The following EBF1 variants were observed in gnomAD, a reference collection of about 807,000 sequenced individuals.
The protein encoded by EBF1 is transcription factor COE1.
EBF1 carries 10 observed loss-of-function variants against 68.4 expected under a neutral mutation model. That is an observed-to-expected ratio of 0.15 (90% confidence interval 0.09 to 0.25). The LOEUF (loss-of-function observed/expected upper bound fraction) is 0.25, where lower values mean the gene tolerates loss of function less well. Among genes scored for constraint, EBF1 ranks in the 10% least tolerant of loss-of-function variants. The probability of loss-of-function intolerance (pLI) is 1.00; values close to 1 mark genes in which losing one functional copy is unlikely to be tolerated. For synonymous variants in EBF1, 298 were observed against 299.8 expected (o/e 0.99, Z 0.06); for missense variants, 509 against 794.4 (o/e 0.64, Z 4.32).
At chr5:159,085,852 T>C (rs1375425131) in intron 4 of EBF1, among the ~76,000 whole-genome samples, 1 of 152,120 alleles carries the variant, frequency 6.6e-6, no homozygotes, top group African/African-American at 2.4e-5. Context: ...GCTTTGTTTT[T>C]GAACCTGGGA....
rs1029662879 is a variant in EBF1, at chr5:158,731,275, T to C, written c.1037-118A>G. On this transcript the variant is annotated intron_variant, in intron 10 of 15. Transcript: ENST00000313708. ...CCAAAGTTTAACTGATACTTTTGAA[T>C]TGGATCACAAGATGGTTGTGTGAAT... The C allele has an allele frequency of 8.6e-6, 8 of 929,068 alleles. No individual in the cohort carries two copies. The African/African-American group carries it at 1.2e-4, about 13-fold the overall frequency. The allele number at this position is 929,068 out of a possible 1,614,324, so 57.6% of individuals were successfully genotyped here. A position where few individuals can be genotyped will look rare whatever the true frequency, so the allele number is the denominator to read the frequency against.
chr5:158,951,080 C>T (rs914328074), intron 6 of EBF1, among the ~76,000 whole-genome samples: 6 of 152,328 alleles, frequency 3.9e-5, no homozygotes, highest in Admixed American at 1.3e-4. Context: ...TTGGTCTGAA[C>T]GCATGGTTTG....
chr5:158,941,114 G>A (rs1813268756), intron 6 of EBF1: 1 of 446,912 alleles, frequency 2.2e-6, no homozygotes, highest in South Asian at 1.6e-5. Flanking sequence ...GTATTGGGGT[G>A]GACAGAAAAA....
intron 6 of EBF1, among the ~76,000 whole-genome samples, chr5:158,898,310 C>A (rs2127276118): frequency 6.6e-6 from 1 of 152,256 alleles, no homozygotes; most frequent in Admixed American, 6.5e-5. Context: ...AATCATTTGA[C>A]ATCAGACTTA....
At chr5:158,819,674 G>A (rs1784441273) in intron 8 of EBF1, among the ~76,000 whole-genome samples, 1 of 152,168 alleles carries the variant, frequency 6.6e-6, no homozygotes. Context: ...TTCATCCCGA[G>A]CTCATGCTTT....
chr5:159,046,549 A>G (rs1772437011), intron 6 of EBF1, among the ~76,000 whole-genome samples: 1 of 152,236 alleles, frequency 6.6e-6, no homozygotes, highest in Non-Finnish European at 1.5e-5. Context: ...GAGCACATTA[A>G]GTAGAAGAGA....
At chr5:158,856,450 C>G (rs1412531780) in intron 6 of EBF1, among the ~76,000 whole-genome samples, 3 of 152,140 alleles carry the variant, frequency 2.0e-5, no homozygotes, top group African/African-American at 7.2e-5. Context: ...GCAAGTTTGC[C>G]TGCACACTCT....
At chr5:158,872,201 CTTT>C (rs70987939) in intron 6 of EBF1, among the ~76,000 whole-genome samples, 2 of 145,104 alleles carry the variant, frequency 1.4e-5, no homozygotes, top group African/African-American at 2.5e-5. Context: ...CTTTTCTTTT[CTTT>C]TTTTTTTTTT....
intron 6 of EBF1, among the ~76,000 whole-genome samples, chr5:158,937,489 G>A (rs943871411): frequency 2.0e-5 from 3 of 152,132 alleles, no homozygotes; most frequent in Non-Finnish European, 4.4e-5. Context: ...AAAAAGAACC[G>A]AGGATCAAAT....
intron 6 of EBF1, among the ~76,000 whole-genome samples, chr5:158,843,986 T>C (rs1294228257): frequency 6.6e-6 from 1 of 152,144 alleles, no homozygotes; most frequent in East Asian, 1.9e-4. Context: ...AACCTCACTT[T>C]TGTCTAATGA....
chr5:158,855,491 C>T (rs565658923), intron 6 of EBF1, among the ~76,000 whole-genome samples: 1 of 152,306 alleles, frequency 6.6e-6, no homozygotes, highest in East Asian at 1.9e-4. Context: ...CTTTTCACAT[C>T]CACAGAATGC....
At chr5:158,805,461 T>G (rs887708724) in intron 8 of EBF1, among the ~76,000 whole-genome samples, 1 of 152,152 alleles carries the variant, frequency 6.6e-6, no homozygotes, top group African/African-American at 2.4e-5. Context: ...TATCTGAATA[T>G]GAATTTTTAG....
intron 10 of EBF1, among the ~76,000 whole-genome samples, chr5:158,769,208 G>T (rs1335491227): frequency 6.6e-6 from 1 of 152,122 alleles, no homozygotes; most frequent in African/African-American, 2.4e-5. Context: ...CCTATTACAT[G>T]AATGATGAAT....
intron 6 of EBF1, among the ~76,000 whole-genome samples, chr5:159,029,003 A>T (rs1463352940): frequency 6.6e-6 from 1 of 152,222 alleles, no homozygotes; most frequent in East Asian, 1.9e-4. Context: ...TCACAACCCT[A>T]AAGTATATAT....
At chr5:158,846,568 C>A (rs1791566176) in intron 6 of EBF1, among the ~76,000 whole-genome samples, 1 of 152,190 alleles carries the variant, frequency 6.6e-6, no homozygotes, top group Non-Finnish European at 1.5e-5. Flanking sequence ...AAACAAGAGT[C>A]TCAAGGCCCT....
intron 15 of EBF1, among the ~76,000 whole-genome samples, chr5:158,702,503 A>G (rs927539726): frequency 6.6e-6 from 1 of 152,168 alleles, no homozygotes; most frequent in South Asian, 2.1e-4. Flanking sequence ...TGCATTTTTC[A>G]TTACCGTTTC....
At chr5:158,790,973 G>C (rs1388802930) in intron 9 of EBF1, among the ~76,000 whole-genome samples, 2 of 152,154 alleles carry the variant, frequency 1.3e-5, no homozygotes, top group Non-Finnish European at 2.9e-5. Flanking sequence ...GTTTCCACCT[G>C]CCACCACTGT....
chr5:158,869,841 T>C (rs900814625), intron 6 of EBF1, among the ~76,000 whole-genome samples: 1 of 152,168 alleles, frequency 6.6e-6, no homozygotes, highest in African/African-American at 2.4e-5. Flanking sequence ...GGGATACCTA[T>C]TTTGTTTGCC....
chr5:158,928,948 C>T (rs180904015), intron 6 of EBF1, among the ~76,000 whole-genome samples: 17 of 152,206 alleles, frequency 1.1e-4, no homozygotes, highest in African/African-American at 4.1e-4. Context: ...CTCACCCTTA[C>T]TTTTTGTGTT....
Sources: gnomAD v4.1 joint callset for allele counts (sites outside exome capture counted in the v4.1 genomes callset) on GRCh38, gnomAD v4.1.1 for gene constraint, MANE v1.5 for transcripts, NCBI Gene and HGNC (gene_info 2026-07-23, HGNC 2026-07-21) for gene names.